ARGLU1: variants seen among roughly 807,000 people sequenced by gnomAD.
ARGLU1 encodes arginine and glutamate-rich protein 1.
Under a neutral mutation model 37.6 loss-of-function variants are expected in ARGLU1, and 9 were observed. The ratio of observed to expected loss-of-function variants is 0.24; its 90% CI spans 0.14 to 0.42. The LOEUF (loss-of-function observed/expected upper bound fraction) is 0.42. Among genes scored for constraint, ARGLU1 ranks in the 10% least tolerant of loss-of-function variants. ARGLU1 has a pLI of 1.00. For missense variants in ARGLU1, 211 were observed against 359.2 expected, an observed-to-expected ratio of 0.59 and a Z score of 3.34; for synonymous variants, 166 against 138.5, an observed-to-expected ratio of 1.20 and a Z score of -1.39.
At chr13:106,546,484 G>T (rs1594187597) in intron 3 of ARGLU1, among the ~76,000 whole-genome samples, 1 of 152,052 alleles carries the variant, frequency 6.6e-6, no homozygotes. Flanking sequence ...ATTTCAAATA[G>T]CCACTCTCTT....
Position 106,542,301 on chromosome 13 carries a change from T to C in ARGLU1, c.*1695A>G, listed in dbSNP as rs1288367971. ...TGAATCTTCACCAAAAAAAGTTACA[T>C]TGAAAAAAAAAAAAATTCATGAAAT... is the stretch of plus-strand genomic sequence containing the variant. On this transcript the variant is annotated 3_prime_UTR_variant, in exon 4 of 4. Transcript: ENST00000400198. 1.3e-5 allele frequency: 2 copies of C among 150,514 alleles called. No individual in the cohort carries two copies. Among genetic ancestry groups the C allele is most frequent in the African/African-American group, 2.5e-5 (1 of 40,782 alleles). The allele number at this position is 150,514 out of a possible 1,614,324, so 9.3% of individuals were successfully genotyped here. A position where few individuals can be genotyped will look rare whatever the true frequency, so the allele number is the denominator to read the frequency against.
At chr13:106,563,933 A>G (rs1655121485) in intron 1 of ARGLU1, among the ~76,000 whole-genome samples, 1 of 152,204 alleles carries the variant, frequency 6.6e-6, no homozygotes, top group African/African-American at 2.4e-5. Context: ...CTATGCCATT[A>G]ACATTTTCCT....
At chr13:106,561,513 G>C (rs1338918527) in intron 1 of ARGLU1, among the ~76,000 whole-genome samples, 1 of 151,334 alleles carries the variant, frequency 6.6e-6, no homozygotes, top group African/African-American at 2.4e-5. Context: ...AGCCTAAGAA[G>C]AAACTTAATA....
At chr13:106,556,610 T>C (rs1035276173) in intron 3 of ARGLU1, among the ~76,000 whole-genome samples, 2 of 152,176 alleles carry the variant, frequency 1.3e-5, no homozygotes, top group African/African-American at 4.8e-5. Context: ...GATTATAAAC[T>C]AGGAATAGGA....
intron 3 of ARGLU1, among the ~76,000 whole-genome samples, chr13:106,553,553 T>G (rs904641228): frequency 2.0e-5 from 3 of 152,162 alleles, no homozygotes; most frequent in African/African-American, 7.2e-5. Flanking sequence ...CTCATGATCA[T>G]CAGGTAAAGA....
chr13:106,548,811 C>T (rs561381110), intron 3 of ARGLU1, among the ~76,000 whole-genome samples: 3 of 152,280 alleles, frequency 2.0e-5, no homozygotes, highest in African/African-American at 4.8e-5. Flanking sequence ...TGCAATGACA[C>T]GATCTTGGCT....
At chr13:106,552,035 G>C (rs940683584) in intron 3 of ARGLU1, among the ~76,000 whole-genome samples, 1 of 152,168 alleles carries the variant, frequency 6.6e-6, no homozygotes, top group Admixed American at 6.5e-5. Context: ...GTTTTTCATG[G>C]AGAGAGGACA....
chr13:106,559,945 C>A (rs1880751124), intron 1 of ARGLU1, among the ~76,000 whole-genome samples: 1 of 152,108 alleles, frequency 6.6e-6, no homozygotes, highest in African/African-American at 2.4e-5. Context: ...AACAATAAAT[C>A]CGGACAGAAA....
intron 1 of ARGLU1, among the ~76,000 whole-genome samples, chr13:106,564,636 T>C (rs1444734983): frequency 6.6e-6 from 1 of 152,154 alleles, no homozygotes; most frequent in Non-Finnish European, 1.5e-5. Flanking sequence ...CTAAGGTTCT[T>C]TCAGTCCCTT....
At position 106,543,197 on chromosome 13, in the gene ARGLU1, A is replaced by G. The variant is rs1880304765; in HGVS notation, c.*799T>C. ...TAATTCACAAGTATATTTAATGTAC[A>G]TATAAACCCTATGTTAAAAGTATAA... On this transcript the variant is annotated 3_prime_UTR_variant, in exon 4 of 4. Coordinates refer to ENST00000400198, the MANE Select transcript of ARGLU1 (RefSeq NM_018011.4). The G allele has an allele frequency of 6.6e-6, 1 of 152,550 alleles. No homozygotes were observed. The highest frequency in any genetic ancestry group is 1.5e-5 in the Non-Finnish European group (1 of 67,952). The allele number at this position is 152,550 out of a possible 1,614,324, so 9.4% of individuals were successfully genotyped here.
Position 106,543,866 on chromosome 13 carries a change from A to G in ARGLU1, c.*130T>C. The G allele has an allele frequency of 1.2e-6, 1 of 854,452 alleles. No individual in the cohort carries two copies. The highest frequency in any genetic ancestry group is 1.7e-6 in the Non-Finnish European group (1 of 575,892). The allele number at this position is 854,452 out of a possible 1,614,324, so 52.9% of individuals were successfully genotyped here. A position where few individuals can be genotyped will look rare whatever the true frequency, so the allele number is the denominator to read the frequency against. On this transcript the variant is annotated 3_prime_UTR_variant, in exon 4 of 4. Coordinates refer to ENST00000400198, the MANE Select transcript of ARGLU1 (RefSeq NM_018011.4). ...AAGGGAATTGCAGAGCATAGCCCCT[A>G]TTAGAACAAGCTAACTTTCCAGATT... is the stretch of plus-strand genomic sequence containing the variant.
chr13:106,561,795 T>A (rs1309477500), intron 1 of ARGLU1: 1 of 152,178 alleles, frequency 6.6e-6, no homozygotes, highest in East Asian at 1.9e-4. Context: ...ATAGCTTTGG[T>A]CAGTAAGGAG....
rs965856047 is a variant in ARGLU1 at position 106,549,061 on chromosome 13, C to T, written c.658-4901G>A. ...CCACTGTGCCCGGCCTCTGCCCTAC[C>T]GTCTTTACCCAGAGGATCTACTGAT... is the stretch of plus-strand genomic sequence containing the variant. On this transcript the variant is annotated intron_variant, in intron 3 of 3. Transcript: ENST00000400198. Among the ~76,000 whole-genome samples the T allele has an allele frequency of 3.9e-5, 6 of 152,164 alleles. No individual in the cohort carries two copies. In the East Asian group the frequency reaches 9.6e-4, roughly 24 times the overall value.
At chr13:106,558,435 T>C (rs1208833109) in intron 2 of ARGLU1, 24 of 985,330 alleles carry the variant, frequency 2.4e-5, no homozygotes, top group Non-Finnish European at 2.9e-5. Flanking sequence ...CAATGAGTCT[T>C]AATTATTTTG....
Position 106,559,473 on chromosome 13 carries a change from G to A in ARGLU1, c.532C>T (p.Arg178Ter). ...MEKQLLEELE[R>*]QRQAELAAQK... Reference sequence around the variant, plus strand: ...GCGGCAAGCTCAGCTTGTCTCTGTCGCTCGAGTTCTTCGAGCAACTGCTTT... The same window carrying A: ...GCGGCAAGCTCAGCTTGTCTCTGTCACTCGAGTTCTTCGAGCAACTGCTTT... The change falls in exon 2 of 4, where the codon CGA (arginine) becomes TGA (stop). Residue 178 changes from arginine (R) to a stop codon, truncating the protein, a stop_gained. Transcript: ENST00000400198. LOFTEE classifies it high-confidence loss of function. 6.2e-7 allele frequency: 1 copy of A among 1,614,098 alleles called. No homozygotes were observed. The highest frequency in any genetic ancestry group is 8.5e-7 in the Non-Finnish European group (1 of 1,180,018).
intron 2 of ARGLU1, 30 bp downstream of exon 2, chr13:106,559,402 G>A (rs1224168848): frequency 6.2e-7 from 1 of 1,612,590 alleles, no homozygotes; most frequent in South Asian, 1.1e-5. Flanking sequence ...GCCATGGACT[G>A]TCTCTACTTT....
intron 3 of ARGLU1, among the ~76,000 whole-genome samples, chr13:106,553,602 A>G (rs1880587906): frequency 6.6e-6 from 1 of 152,216 alleles, no homozygotes; most frequent in South Asian, 2.1e-4. Flanking sequence ...GGACACTATG[A>G]AAAACAATGG....
At chr13:106,553,016 C>T (rs769750665) in intron 3 of ARGLU1, among the ~76,000 whole-genome samples, 3 of 151,990 alleles carry the variant, frequency 2.0e-5, no homozygotes, top group Admixed American at 6.6e-5. Context: ...TTAGTCATTA[C>T]GGGATTCAAT....
chr13:106,566,511 T>A (rs916748225), intron 1 of ARGLU1, among the ~76,000 whole-genome samples: 1 of 152,206 alleles, frequency 6.6e-6, no homozygotes, highest in African/African-American at 2.4e-5. Context: ...AGGGAGTTAG[T>A]AGGACTGTTC....
Sources: allele counts gnomAD v4.1 joint callset (sites outside exome capture counted in the v4.1 genomes callset), GRCh38; gene constraint gnomAD v4.1.1; transcripts MANE v1.5; gene names NCBI Gene and HGNC (gene_info 2026-07-23, HGNC 2026-07-21).